ST6GALNAC3: variants seen among roughly 807,000 people sequenced by gnomAD.
ST6GALNAC3 encodes ST6 N-acetylgalactosaminide alpha-2,6-sialyltransferase 3.
In ST6GALNAC3, 25 loss-of-function variants were observed where a neutral mutation model predicts 32.7. That is an observed-to-expected ratio of 0.76 (90% CI 0.56 to 1.07). The LOEUF (loss-of-function observed/expected upper bound fraction) is 1.07. Among genes scored for constraint, ST6GALNAC3 ranks in the 50% least tolerant of loss-of-function variants. The probability of loss-of-function intolerance (pLI) is 0.00; values close to 1 mark genes in which losing one functional copy is unlikely to be tolerated. For synonymous variants in ST6GALNAC3, 129 were observed against 133.1 expected, an observed-to-expected ratio of 0.97 and a Z score of 0.21; for missense variants, 355 against 382.4, an observed-to-expected ratio of 0.93 and a Z score of 0.60.
At chr1:76,199,013 A>G (rs78745839) in intron 1 of ST6GALNAC3, among the ~76,000 whole-genome samples, 37 of 151,556 alleles carry the variant, frequency 2.4e-4, no homozygotes, top group Middle Eastern at 6.8e-3. Context: ...GAGGAAATCT[A>G]GGATGTGGCA....
At chr1:76,377,730 T>G (rs1395226373) in intron 2 of ST6GALNAC3, among the ~76,000 whole-genome samples, 5 of 152,304 alleles carry the variant, frequency 3.3e-5, no homozygotes, top group African/African-American at 1.2e-4. Context: ...TCTTAAACTC[T>G]TTAGGTTTCA....
intron 3 of ST6GALNAC3, among the ~76,000 whole-genome samples, chr1:76,538,770 A>G (rs1269440618): frequency 1.3e-5 from 2 of 152,046 alleles, no homozygotes; most frequent in African/African-American, 4.8e-5. Flanking sequence ...ATTCACAATC[A>G]CTACAAAGAG....
chr1:76,547,066 G>C (rs567480757), intron 3 of ST6GALNAC3, among the ~76,000 whole-genome samples: 1 of 152,342 alleles, frequency 6.6e-6, no homozygotes, highest in East Asian at 1.9e-4. Context: ...AAATAGCCAA[G>C]AAGAAACTTG....
intron 1 of ST6GALNAC3, among the ~76,000 whole-genome samples, chr1:76,286,980 A>G (rs1384334873): frequency 6.6e-6 from 1 of 152,234 alleles, no homozygotes; most frequent in Non-Finnish European, 1.5e-5. Context: ...ATTTACACCA[A>G]AAGGTGTATG....
chr1:76,202,951 G>A (rs1048548587), intron 1 of ST6GALNAC3, among the ~76,000 whole-genome samples: 2 of 152,148 alleles, frequency 1.3e-5, no homozygotes, highest in Admixed American at 1.3e-4. Context: ...AGAGAGCCAA[G>A]TATGTCACCT....
At chr1:76,112,405 TG>T (rs1468913238) in intron 1 of ST6GALNAC3, among the ~76,000 whole-genome samples, 1 of 143,670 alleles carries the variant, frequency 7.0e-6, no homozygotes, top group African/African-American at 2.7e-5. Context: ...ACTGGGCGGC[TG>T]GCCGGGCGGG....
rs1374255115 is a variant in ST6GALNAC3 at position 76,632,825 on chromosome 1, C to T, written c.*4019C>T. ...AAAAAAACAACAACAATGTGCCCAT[C>T]TAGCCTTTAATGTGACATGTCAAAT... On this transcript the variant is annotated 3_prime_UTR_variant, in exon 5 of 5. Transcript: ENST00000328299. The T allele has an allele frequency of 6.7e-6, 1 of 149,300 alleles. No individual in the cohort carries two copies. The highest frequency in any genetic ancestry group is 1.5e-5 in the Non-Finnish European group (1 of 66,660). The allele number at this position is 149,300 out of a possible 1,614,324, so 9.2% of individuals were successfully genotyped here.
intron 3 of ST6GALNAC3, among the ~76,000 whole-genome samples, chr1:76,418,917 C>T (rs542738025): frequency 7.3e-5 from 11 of 150,064 alleles, no homozygotes; most frequent in South Asian, 2.1e-4. Context: ...AATACAAATG[C>T]GCTGGAAATT....
intron 3 of ST6GALNAC3, among the ~76,000 whole-genome samples, chr1:76,517,263 A>G (rs1662228602): frequency 6.6e-6 from 1 of 151,844 alleles, no homozygotes; most frequent in Non-Finnish European, 1.5e-5. Context: ...ATGTCTTATC[A>G]TACAATTTTT....
intron 3 of ST6GALNAC3, among the ~76,000 whole-genome samples, chr1:76,615,989 G>A (rs896005511): frequency 2.6e-5 from 4 of 152,112 alleles, no homozygotes; most frequent in African/African-American, 7.2e-5. Context: ...TTTTCCTGGT[G>A]AGGGCAAAAT....
rs115223680 is a variant in ST6GALNAC3 at position 76,187,637 on chromosome 1, C to G, written c.18+112753C>G. Among the ~76,000 whole-genome samples the G allele has an allele frequency of 5.3e-3, 801 of 152,282 alleles. 8 individuals are homozygous for G. Among genetic ancestry groups the G allele is most frequent in the African/African-American group, 0.018 (753 of 41,550 alleles). On this transcript the variant is annotated intron_variant, in intron 1 of 4. Coordinates refer to ENST00000328299, the MANE Select transcript of ST6GALNAC3 (RefSeq NM_152996.4). ...GGCAGGGGAGATGTGGGTGGCCACA[C>G]AGAGTCAGAGGATGTCAACATGCAG...
rs192039028 is a variant in ST6GALNAC3 at position 76,253,644 on chromosome 1, C to G, written c.19-60161C>G. On this transcript the variant is annotated intron_variant, in intron 1 of 4. Transcript: ENST00000328299. ...TAGATGAGTTCAATTGGAGCCTGCC[C>G]GCTATGGAAAATTATTGATGCAATT... is the stretch of plus-strand genomic sequence containing the variant. Among the ~76,000 whole-genome samples the G allele has an allele frequency of 3.7e-4, 57 of 152,070 alleles. 1 individual carries two copies. The highest frequency in any genetic ancestry group is 1.9e-3 in the Admixed American group (29 of 15,238).
In ST6GALNAC3 at chr1:76,326,690, TTCTTA is replaced by T. The variant is rs1647076886; in HGVS notation, c.213+12696_213+12700del. On this transcript the variant is annotated intron_variant, in intron 2 of 4. Coordinates refer to ENST00000328299, the MANE Select transcript of ST6GALNAC3 (RefSeq NM_152996.4). Reference sequence around the variant, plus strand: ...TGTTATTCATGGATATTTTGTATTTTTCTTATCTTGAGTGCCAGCTCTTAAAATGA... The same window carrying T: ...TGTTATTCATGGATATTTTGTATTTTTCTTGAGTGCCAGCTCTTAAAATGA... Among the ~76,000 whole-genome samples, 3 of 152,114 alleles carry T rather than the reference TTCTTA, an allele frequency of 2.0e-5. No individual in the cohort carries two copies. In the South Asian group the frequency reaches 6.2e-4, roughly 32 times the overall value.
intron 3 of ST6GALNAC3, among the ~76,000 whole-genome samples, chr1:76,417,695 C>T (rs899779413): frequency 2.0e-4 from 31 of 152,184 alleles, no homozygotes; most frequent in Non-Finnish European, 4.3e-4. Flanking sequence ...AATATAGGCA[C>T]ATTATTTAAT....
intron 2 of ST6GALNAC3, among the ~76,000 whole-genome samples, chr1:76,358,690 T>C (rs1455873448): frequency 2.0e-5 from 3 of 152,178 alleles, no homozygotes; most frequent in Admixed American, 6.5e-5. Context: ...CTTATTTCCC[T>C]GGGTAAGAGT....
At position 76,313,997 on chromosome 1, in the gene ST6GALNAC3, G is replaced by A; in HGVS notation, c.211G>A (p.Glu71Lys). 2.5e-6 allele frequency: 4 copies of A among 1,611,518 alleles called. No individual in the cohort carries two copies. Among genetic ancestry groups the A allele is most frequent in the Non-Finnish European group, 3.4e-6 (4 of 1,178,714 alleles). The change falls in exon 2 of 5, where the codon GAG becomes AAG. Residue 71 changes from glutamate to lysine, a missense_variant and splice_region_variant. Physicochemically the swap from Glu to Lys is moderately conservative, Grantham distance 56. Coordinates refer to ENST00000328299, the MANE Select transcript of ST6GALNAC3 (RefSeq NM_152996.4). Reference protein sequence around the residue: ...HYGYINVKTQEPLQLDCDLCA... With the variant: ...HYGYINVKTQKPLQLDCDLCA... ...TGGATACATAAATGTGAAGACACAA[G>A]AGGTAAGATCCCAGAGGGTTACCTA...
At chr1:76,313,044 A>G (rs1217964351) in intron 1 of ST6GALNAC3, among the ~76,000 whole-genome samples, 2 of 152,016 alleles carry the variant, frequency 1.3e-5, no homozygotes, top group Non-Finnish European at 2.9e-5. Flanking sequence ...TGCTTGGCAT[A>G]ATTTTTTTTT....
intron 1 of ST6GALNAC3, among the ~76,000 whole-genome samples, chr1:76,166,967 C>T (rs1461800808): frequency 6.6e-6 from 1 of 152,106 alleles, no homozygotes; most frequent in Non-Finnish European, 1.5e-5. Flanking sequence ...GTTTGACTTC[C>T]TCTCTTCCGA....
intron 1 of ST6GALNAC3, among the ~76,000 whole-genome samples, chr1:76,221,340 G>A (rs186406205): frequency 7.2e-5 from 11 of 152,254 alleles, no homozygotes; most frequent in Admixed American, 6.5e-5. Flanking sequence ...GGTCCACAGG[G>A]TCTGGGTTCT....
Sources: gnomAD v4.1 joint callset for allele counts (sites outside exome capture counted in the v4.1 genomes callset) on GRCh38, gnomAD v4.1.1 for gene constraint, MANE v1.5 for transcripts, NCBI Gene and HGNC (gene_info 2026-07-23, HGNC 2026-07-21) for gene names.